Variants in DAB2IP observed in about 807,000 individuals in gnomAD.
DAB2IP encodes the protein DAB2 interacting protein.
A neutral mutation model predicts 107.2 loss-of-function variants in DAB2IP; 28 were observed. The ratio of observed to expected loss-of-function variants is 0.26; its 90% CI spans 0.19 to 0.36. The LOEUF is 0.36. Among genes scored for constraint, DAB2IP ranks in the 10% least tolerant of loss-of-function variants. The pLI is 1.00. For missense variants in DAB2IP, 1,400 were observed against 1,644.7 expected (o/e 0.85, Z 2.57); for synonymous variants, 755 against 706.4 (o/e 1.07, Z -1.09).
chr9:121,656,745 A>G (rs1037674292), intron 1 of DAB2IP, among the ~76,000 whole-genome samples: 1 of 152,226 alleles, frequency 6.6e-6, no homozygotes, highest in Non-Finnish European at 1.5e-5. Context: ...TGCAGTGTTC[A>G]GAACAACACT....
chr9:121,723,895 C>A (rs1291943552), intron 3 of DAB2IP, among the ~76,000 whole-genome samples: 1 of 152,112 alleles, frequency 6.6e-6, no homozygotes, highest in African/African-American at 2.4e-5. Flanking sequence ...GATCAAGGTA[C>A]TTCATCATCA....
Position 121,781,451 on chromosome 9 carries a change from TCTCTGG to T in DAB2IP, c.3315-10_3315-5del. The stretch of plus-strand genomic sequence containing the variant: ...TCCAGGGCCAGTCTGACTGTCTCTG[TCTCTGG>T]CTATAGGTTGATGTCCGTGGAGGAA... On this transcript the variant is annotated splice_region_variant and splice_polypyrimidine_tract_variant and intron_variant, in intron 14 of 15. Transcript: ENST00000408936. 6.2e-7 allele frequency: 1 copy of T among 1,613,830 alleles called. No individual in the cohort carries two copies. The highest frequency in any genetic ancestry group is 1.1e-5 in the South Asian group (1 of 91,070).
chr9:121,783,398 T>A, exon 16 of DAB2IP: 1 of 1,575,516 alleles, frequency 6.3e-7, no homozygotes, highest in South Asian at 1.1e-5. Flanking sequence ...CAGGGCACAG[T>A]GGTCCTGTAG....
chr9:121,631,112 C>T (rs192594322), intron 1 of DAB2IP, among the ~76,000 whole-genome samples: 10 of 152,176 alleles, frequency 6.6e-5, no homozygotes, highest in Non-Finnish European at 1.5e-4. Flanking sequence ...CAAGGCTGCT[C>T]TTTGTACCCA....
intron 1 of DAB2IP, among the ~76,000 whole-genome samples, chr9:121,658,249 C>T (rs1217396406): frequency 1.3e-5 from 2 of 152,252 alleles, no homozygotes; most frequent in East Asian, 3.8e-4. Context: ...TCCCCTGCAC[C>T]TCCCTCTCGG....
intron 1 of DAB2IP, among the ~76,000 whole-genome samples, chr9:121,577,510 T>C (rs1455238706): frequency 6.6e-6 from 1 of 152,134 alleles, no homozygotes; most frequent in Non-Finnish European, 1.5e-5. Flanking sequence ...AGCCCGTGAG[T>C]GAGCACGTGA....
exon 13 of DAB2IP, chr9:121,774,271 T>C (rs774632594): frequency 1.2e-6 from 2 of 1,610,618 alleles, no homozygotes; most frequent in South Asian, 2.2e-5. Flanking sequence ...GCCCTTCACC[T>C]GTGAGCCCCA....
At position 121,699,125 on chromosome 9, in the gene DAB2IP, C is replaced by G. The variant is rs1311945022; in HGVS notation, c.229-200C>G. On this transcript the variant is annotated intron_variant, in intron 2 of 15. Transcript: ENST00000408936. This position sits in a 1 kb window ranked among gnomAD's most constrained non-coding sequence, Gnocchi z 6.2. ...GACGTGGCGGGCGGGGTGGGCTGGG[C>G]CGCGCTGCGCGGGCCGGGCCGTCGG... is the stretch of plus-strand genomic sequence containing the variant. Among the ~76,000 whole-genome samples the G allele has an allele frequency of 6.9e-5, 10 of 145,892 alleles. No individual in the cohort carries two copies. The highest frequency in any genetic ancestry group is 2.5e-4 in the African/African-American group (10 of 40,768).
chr9:121,704,866 A>G (rs1829977101), intron 3 of DAB2IP, among the ~76,000 whole-genome samples: 1 of 152,184 alleles, frequency 6.6e-6, no homozygotes, highest in Admixed American at 6.5e-5. Flanking sequence ...CACACAGTCA[A>G]AGGCATGGAG....
chr9:121,677,985 T>C (rs2119134241), intron 1 of DAB2IP, among the ~76,000 whole-genome samples: 1 of 152,274 alleles, frequency 6.6e-6, no homozygotes, highest in South Asian at 2.1e-4. Context: ...TTTAAAAAAT[T>C]GCGATAAAAT....
chr9:121,722,243 G>A lies in DAB2IP; in HGVS notation c.362+22785G>A, dbSNP rs149174122. 3.8e-3 allele frequency among the ~76,000 whole-genome samples: 576 copies of A among 152,270 alleles called. 7 individuals are homozygous for A. Among genetic ancestry groups the A allele is most frequent in the African/African-American group, 0.013 (557 of 41,560 alleles). On this transcript the variant is annotated intron_variant, in intron 3 of 15. Transcript: ENST00000408936. ...CTCCTGCAGCTCCTTCAGGTTCTGGGCTGGGCCAGGAGGGCTTTCGCAAGA... is the reference window on the plus strand; with the variant it reads ...CTCCTGCAGCTCCTTCAGGTTCTGGACTGGGCCAGGAGGGCTTTCGCAAGA...
At chr9:121,738,896 C>CCTTGTGATGGGAGAGGCAGATAAGAAAT (rs1832119784) in intron 3 of DAB2IP, among the ~76,000 whole-genome samples, 1 of 152,210 alleles carries the variant, frequency 6.6e-6, no homozygotes, top group Non-Finnish European at 1.5e-5. Flanking sequence ...ACACAGCTTA[C>CCTTGTGATGGGAGAGGCAGATAAGAAAT]CTTGTGATGG....
At position 121,677,686 on chromosome 9, in the gene DAB2IP, G is replaced by A. The variant is rs1190619223; in HGVS notation, c.125-992G>A. Among the ~76,000 whole-genome samples, 3 of 152,004 alleles carry A rather than the reference G, an allele frequency of 2.0e-5. No homozygotes were observed. In the East Asian group the frequency reaches 5.8e-4, roughly 29 times the overall value. ...TTTCCCCCCGCTTTTTTTTGAGACA[G>A]AGTCTCACTCTGCTGCCCAGGCTGG... On this transcript the variant is annotated intron_variant, in intron 1 of 15. Transcript: ENST00000408936.
intron 1 of DAB2IP, among the ~76,000 whole-genome samples, chr9:121,577,088 C>T (rs560407177): frequency 6.6e-6 from 1 of 152,324 alleles, no homozygotes. Context: ...CCTTAGAACT[C>T]TTCAAGGTGG....
upstream of DAB2IP, among the ~76,000 whole-genome samples, chr9:121,650,231 G>T (rs909362516): frequency 6.6e-6 from 1 of 152,168 alleles, no homozygotes; most frequent in African/African-American, 2.4e-5. Flanking sequence ...GACCAGGGCA[G>T]CTGATAGCTC....
At position 121,699,717 on chromosome 9, in the gene DAB2IP, C is replaced by T. The variant is rs964148990; in HGVS notation, c.362+259C>T. On this transcript the variant is annotated intron_variant, in intron 3 of 15. Coordinates refer to ENST00000408936, the Ensembl canonical transcript of DAB2IP. This position sits in a 1 kb window ranked among gnomAD's most constrained non-coding sequence, Gnocchi z 6.2. The stretch of plus-strand genomic sequence containing the variant: ...CCGCGGCGGCCCGGGCGAGGCCGGG[C>T]GCGAAGTCCCCTCGCAGGGAAGTCC... Among the ~76,000 whole-genome samples the T allele has an allele frequency of 5.9e-5, 9 of 152,100 alleles. No homozygotes were observed. Among genetic ancestry groups the T allele is most frequent in the Admixed American group, 2.6e-4 (4 of 15,288 alleles).
intron 1 of DAB2IP, among the ~76,000 whole-genome samples, chr9:121,620,775 G>A (rs1831434182): frequency 6.6e-6 from 1 of 151,962 alleles, no homozygotes; most frequent in Admixed American, 6.6e-5. Context: ...CCTAACCCGG[G>A]TACCCTCCTC....
chr9:121,582,814 C>T (rs919212069), intron 1 of DAB2IP, among the ~76,000 whole-genome samples: 5 of 152,254 alleles, frequency 3.3e-5, no homozygotes, highest in African/African-American at 1.2e-4. Flanking sequence ...CTCCTACTCA[C>T]ATGCTAGTGC....
Position 121,737,471 on chromosome 9 carries a change from C to T in DAB2IP, c.363-19542C>T, listed in dbSNP as rs904326802. On this transcript the variant is annotated intron_variant, in intron 3 of 15. Coordinates refer to ENST00000408936, the Ensembl canonical transcript of DAB2IP. ...CCCTCCTAGGCTCACCTCTTAGATG[C>T]CGGCCCGGCCGAGAGGCCCCCTAAT... The T allele has an allele frequency of 9.3e-5, 92 of 985,348 alleles. 1 individual carries two copies. The highest frequency in any genetic ancestry group is 5.2e-4 in the Middle Eastern group (1 of 1,936). The allele number at this position is 985,348 out of a possible 1,614,324, so 61.0% of individuals were successfully genotyped here. A position where few individuals can be genotyped will look rare whatever the true frequency, so the allele number is the denominator to read the frequency against.
Sources: allele counts gnomAD v4.1 joint callset (sites outside exome capture counted in the v4.1 genomes callset), GRCh38; gene constraint gnomAD v4.1.1; non-coding constraint Gnocchi (gnomAD v3.1); transcripts MANE v1.5; gene names NCBI Gene and HGNC (gene_info 2026-07-23, HGNC 2026-07-21).